Variants in LDAH observed in about 807,000 individuals in gnomAD.
LDAH encodes lipid droplet-associated hydrolase.
Under a neutral mutation model 29.6 loss-of-function variants are expected in LDAH, and 26 were observed. That is an observed-to-expected ratio of 0.88 (90% CI 0.64 to 1.22). The LOEUF is 1.22. Among genes scored for constraint, LDAH ranks in the 50% most tolerant of loss-of-function variants. The pLI, the probability that LDAH is intolerant of heterozygous loss-of-function variation, is 0.00. For synonymous variants in LDAH, 117 were observed against 133.0 expected (o/e 0.88, Z 0.83); for missense variants, 344 against 387.3 (o/e 0.89, Z 0.94).
intron 5 of LDAH, among the ~76,000 whole-genome samples, chr2:20,732,703 T>C (rs1666495326): frequency 6.6e-6 from 1 of 152,214 alleles, no homozygotes; most frequent in Non-Finnish European, 1.5e-5. Flanking sequence ...TATTATCCTT[T>C]TGATGGGTGC....
rs982176598 is a variant in LDAH, at chr2:20,729,953, G to A, written c.703+10018C>T. Among the ~76,000 whole-genome samples the A allele has an allele frequency of 9.2e-5, 14 of 152,248 alleles. 1 individual carries two copies. The highest frequency in any genetic ancestry group is 3.1e-4 in the African/African-American group (13 of 41,554). ...CAGGACTACAGGTGTGTGCCACCAT[G>A]CCTAGCTAAATTTTCATCTTTAATT... On this transcript the variant is annotated intron_variant, in intron 5 of 6. Coordinates refer to ENST00000237822, the MANE Select transcript of LDAH (RefSeq NM_021925.4).
At chr2:20,820,565 T>C (rs1315840054) in intron 1 of LDAH, among the ~76,000 whole-genome samples, 5 of 152,032 alleles carry the variant, frequency 3.3e-5, no homozygotes, top group South Asian at 2.1e-4. Context: ...TAGCCATATG[T>C]AGAAAGCTGA....
intron 4 of LDAH, among the ~76,000 whole-genome samples, chr2:20,746,156 T>A (rs1667555125): frequency 6.6e-6 from 1 of 152,220 alleles, no homozygotes; most frequent in Non-Finnish European, 1.5e-5. Context: ...ATTAATTCAG[T>A]TAATACCAAA....
Position 20,684,529 on chromosome 2 carries a change from G to T in LDAH, c.*2374C>A, listed in dbSNP as rs778328275. 1.2e-5 allele frequency: 2 copies of T among 170,352 alleles called. No homozygotes were observed. Among genetic ancestry groups the T allele is most frequent in the Non-Finnish European group, 2.5e-5 (2 of 80,218 alleles). The allele number at this position is 170,352 out of a possible 1,614,324, so 10.6% of individuals were successfully genotyped here. A position where few individuals can be genotyped will look rare whatever the true frequency, so the allele number is the denominator to read the frequency against. ...TGCTGGGATCACAGGTGTGAGCTAC[G>T]GCACCCAGCCTGTTTGTTTTGAATA... On this transcript the variant is annotated 3_prime_UTR_variant, in exon 7 of 7. Coordinates refer to ENST00000237822, the MANE Select transcript of LDAH (RefSeq NM_021925.4).
At chr2:20,717,044 T>C (rs901140873) in intron 5 of LDAH, among the ~76,000 whole-genome samples, 17 of 152,166 alleles carry the variant, frequency 1.1e-4, no homozygotes, top group Non-Finnish European at 2.2e-4. Context: ...GTCAACTGGA[T>C]AGTCCTATGG....
intron 4 of LDAH, among the ~76,000 whole-genome samples, chr2:20,748,241 A>G (rs1173609172): frequency 1.3e-5 from 2 of 152,170 alleles, no homozygotes; most frequent in African/African-American, 4.8e-5. Context: ...CATGTGAATT[A>G]TATTCAGACC....
At chr2:20,734,831 A>C (rs2149430069) in intron 5 of LDAH, among the ~76,000 whole-genome samples, 1 of 152,288 alleles carries the variant, frequency 6.6e-6, no homozygotes, top group South Asian at 2.1e-4. Flanking sequence ...TAATGTTGAC[A>C]AGTTCTTTTA....
chr2:20,743,347 G>A (rs973025541), intron 4 of LDAH, among the ~76,000 whole-genome samples: 1 of 140,258 alleles, frequency 7.1e-6, no homozygotes. Flanking sequence ...TAAGTTTTAG[G>A]GTACATGTGC....
intron 1 of LDAH, among the ~76,000 whole-genome samples, chr2:20,816,811 C>T (rs1252738610): frequency 1.3e-5 from 2 of 151,868 alleles, no homozygotes; most frequent in African/African-American, 4.8e-5. Context: ...CACCAAGATA[C>T]ACCATACCCT....
intron 4 of LDAH, among the ~76,000 whole-genome samples, chr2:20,752,789 A>C (rs1402834561): frequency 6.6e-6 from 1 of 152,216 alleles, no homozygotes; most frequent in Admixed American, 6.5e-5. Context: ...AAGAAGCTCT[A>C]GGGGAGAATC....
At chr2:20,804,811 C>G (rs1251444291) in intron 1 of LDAH, among the ~76,000 whole-genome samples, 5 of 152,080 alleles carry the variant, frequency 3.3e-5, no homozygotes, top group African/African-American at 1.2e-4. Context: ...GAAAAATCCC[C>G]ACTTAGAAAG....
At position 20,698,597 on chromosome 2, in the gene LDAH, T is replaced by C. The variant is rs1404817321; in HGVS notation, c.786+2973A>G. On this transcript the variant is annotated intron_variant, in intron 6 of 6. Coordinates refer to ENST00000237822, the MANE Select transcript of LDAH (RefSeq NM_021925.4). This position sits in a 1 kb window ranked among gnomAD's most constrained non-coding sequence, Gnocchi z 4.4. ...CGGGAGGCTGAGGCAAGAAAATCGC[T>C]TGAACCCGGGAAGTGGAGGTTGCAG... Among the ~76,000 whole-genome samples the C allele has an allele frequency of 6.6e-6, 1 of 152,066 alleles. No homozygotes were observed. The highest frequency in any genetic ancestry group is 1.5e-5 in the Non-Finnish European group (1 of 68,008).
At chr2:20,767,347 C>G (rs1465363776) in intron 4 of LDAH, among the ~76,000 whole-genome samples, 1 of 152,238 alleles carries the variant, frequency 6.6e-6, no homozygotes, top group East Asian at 1.9e-4. Flanking sequence ...CATGACCTCT[C>G]CCTGCTCCTG....
intron 6 of LDAH, among the ~76,000 whole-genome samples, chr2:20,700,209 G>T (rs577390419): frequency 2.9e-4 from 44 of 152,230 alleles, no homozygotes; most frequent in Non-Finnish European, 5.1e-4. Flanking sequence ...AAGCCCTGGA[G>T]AGGGGGCCCT....
At chr2:20,747,632 G>C (rs921944757) in intron 4 of LDAH, among the ~76,000 whole-genome samples, 22 of 152,086 alleles carry the variant, frequency 1.4e-4, no homozygotes, top group African/African-American at 5.3e-4. Context: ...TAAGTATGCA[G>C]TTTATAAACT....
At chr2:20,781,604 T>A (rs544452634) in intron 3 of LDAH, among the ~76,000 whole-genome samples, 32 of 152,234 alleles carry the variant, frequency 2.1e-4, no homozygotes, top group Non-Finnish European at 4.0e-4. Context: ...CTGTTCTAGC[T>A]GAATGGGGGG....
In LDAH at chr2:20,722,905, A is replaced by G. The variant is rs1665760177; in HGVS notation, c.703+17066T>C. 2.6e-5 allele frequency among the ~76,000 whole-genome samples: 4 copies of G among 152,222 alleles called. No individual in the cohort carries two copies. The South Asian group carries it at 8.3e-4, about 32-fold the overall frequency. On this transcript the variant is annotated intron_variant, in intron 5 of 6. Coordinates refer to ENST00000237822, the MANE Select transcript of LDAH (RefSeq NM_021925.4). ...AAACTCATATATTGCTGGTGGGAGT[A>G]CACATTGGTACAACCACTTTGGAAA... is the stretch of plus-strand genomic sequence containing the variant.
At chr2:20,752,427 A>T (rs1668031818) in intron 4 of LDAH, among the ~76,000 whole-genome samples, 1 of 152,222 alleles carries the variant, frequency 6.6e-6, no homozygotes, top group South Asian at 2.1e-4. Context: ...AAACTGAACA[A>T]GACGGATACA....
At chr2:20,754,215 C>T (rs998754825) in intron 4 of LDAH, among the ~76,000 whole-genome samples, 1 of 151,950 alleles carries the variant, frequency 6.6e-6, no homozygotes, top group Non-Finnish European at 1.5e-5. Flanking sequence ...AGGCTGGGCG[C>T]GGTGGCTCAT....
Sources: allele counts gnomAD v4.1 joint callset (sites outside exome capture counted in the v4.1 genomes callset), GRCh38; gene constraint gnomAD v4.1.1; non-coding constraint Gnocchi (gnomAD v3.1); transcripts MANE v1.5; gene names NCBI Gene and HGNC (gene_info 2026-07-23, HGNC 2026-07-21).